Variants in NEGR1 observed in about 807,000 individuals in gnomAD.
NEGR1 encodes IgLON family member 4.
In NEGR1, 10 loss-of-function variants were observed where a neutral mutation model predicts 40.9. That is an observed-to-expected ratio of 0.24 (90% CI 0.15 to 0.42). The LOEUF (loss-of-function observed/expected upper bound fraction) is 0.42, where lower values mean the gene tolerates loss of function less well. Ranked by LOEUF, NEGR1 falls within the 10% of genes least tolerant of loss-of-function variation. The pLI is 1.00. For synonymous variants in NEGR1, 185 were observed against 166.8 expected, an observed-to-expected ratio of 1.11 and a Z score of -0.84; for missense variants, 352 against 438.9, an observed-to-expected ratio of 0.80 and a Z score of 1.77.
chr1:71,436,100 C>T (rs2101304151), intron 6 of NEGR1, among the ~76,000 whole-genome samples: 1 of 152,234 alleles, frequency 6.6e-6, no homozygotes, highest in South Asian at 2.1e-4. Context: ...GTAGAAAAAG[C>T]TGTAAAAGTC....
At chr1:72,168,178 T>C (rs1651835799) in intron 1 of NEGR1, among the ~76,000 whole-genome samples, 2 of 151,892 alleles carry the variant, frequency 1.3e-5, no homozygotes, top group Non-Finnish European at 2.9e-5. Flanking sequence ...CACACCCAGT[T>C]AATTTTTGTA....
intron 6 of NEGR1, among the ~76,000 whole-genome samples, chr1:71,430,288 C>A (rs1220068610): frequency 6.6e-6 from 1 of 152,198 alleles, no homozygotes; most frequent in Non-Finnish European, 1.5e-5. Flanking sequence ...GATCCTTTCT[C>A]TGTATTGCCT....
intron 2 of NEGR1, among the ~76,000 whole-genome samples, chr1:71,801,387 A>T (rs549449730): frequency 2.6e-5 from 4 of 152,310 alleles, no homozygotes; most frequent in Non-Finnish European, 5.9e-5. Flanking sequence ...TTGTAGACAC[A>T]GATCTCCCTC....
chr1:71,641,178 A>G (rs183287239), intron 4 of NEGR1, among the ~76,000 whole-genome samples: 1 of 152,238 alleles, frequency 6.6e-6, no homozygotes, highest in Non-Finnish European at 1.5e-5. Context: ...TAGCAAAGAC[A>G]GCAGCTGTCA....
chr1:71,546,284 T>G (rs569692587), intron 6 of NEGR1, among the ~76,000 whole-genome samples: 1 of 151,814 alleles, frequency 6.6e-6, no homozygotes, highest in East Asian at 2.0e-4. Context: ...ATAAAGCAAC[T>G]TGATGCACCT....
chr1:71,574,523 A>G (rs1648901893), intron 6 of NEGR1, among the ~76,000 whole-genome samples: 1 of 152,092 alleles, frequency 6.6e-6, no homozygotes, highest in Non-Finnish European at 1.5e-5. Flanking sequence ...AATAGTTACT[A>G]CCTTTTCTTT....
rs1046655932 is a variant in NEGR1, at chr1:71,771,327, T to A, written c.535+4845A>T. On this transcript the variant is annotated intron_variant, in intron 3 of 6. Coordinates refer to ENST00000357731, the MANE Select transcript of NEGR1 (RefSeq NM_173808.3). ...GTTCGGGGCTAGGGTAGAGATAGCA[T>A]TAGGAGAAATACTTAATGTAGATGA... 2.0e-5 allele frequency among the ~76,000 whole-genome samples: 3 copies of A among 151,942 alleles called. No homozygotes were observed. The East Asian group carries it at 5.8e-4, about 29-fold the overall frequency.
chr1:71,831,607 A>T (rs1159546942), intron 2 of NEGR1, among the ~76,000 whole-genome samples: 1 of 151,968 alleles, frequency 6.6e-6, no homozygotes, highest in African/African-American at 2.4e-5. Context: ...TGTGTGTGAG[A>T]CACAATCCTG....
At chr1:72,138,719 T>A (rs574271508) in intron 1 of NEGR1, among the ~76,000 whole-genome samples, 1 of 151,922 alleles carries the variant, frequency 6.6e-6, no homozygotes, top group African/African-American at 2.4e-5. Context: ...TCAAAATACA[T>A]GAAGCAAAAA....
At chr1:72,226,577 A>G (rs1483678400) in intron 1 of NEGR1, among the ~76,000 whole-genome samples, 1 of 152,042 alleles carries the variant, frequency 6.6e-6, no homozygotes. Context: ...AAATATGTAC[A>G]TTCAAAATTT....
intron 6 of NEGR1, among the ~76,000 whole-genome samples, chr1:71,445,685 T>G (rs1020930105): frequency 1.3e-5 from 2 of 152,164 alleles, no homozygotes; most frequent in African/African-American, 4.8e-5. Flanking sequence ...AAAATGCATA[T>G]GACTTTAAAT....
intron 2 of NEGR1, among the ~76,000 whole-genome samples, chr1:71,914,230 A>T (rs1279232143): frequency 2.6e-5 from 4 of 152,210 alleles, no homozygotes; most frequent in African/African-American, 4.8e-5. Context: ...ACAGGAATAC[A>T]TTATTTTCCT....
At chr1:71,922,353 C>A (rs778033532) in intron 2 of NEGR1, among the ~76,000 whole-genome samples, 1 of 152,156 alleles carries the variant, frequency 6.6e-6, no homozygotes, top group Non-Finnish European at 1.5e-5. Context: ...GGGAATGCAC[C>A]TTCTGGTGTG....
chr1:71,628,742 A>G (rs1397117412), intron 4 of NEGR1, among the ~76,000 whole-genome samples: 3 of 151,858 alleles, frequency 2.0e-5, no homozygotes, highest in Non-Finnish European at 4.4e-5. Flanking sequence ...AAGGACATGA[A>G]CTCATCCTTT....
chr1:71,657,178 C>A (rs148328914), intron 4 of NEGR1, among the ~76,000 whole-genome samples: 4 of 152,272 alleles, frequency 2.6e-5, no homozygotes, highest in Admixed American at 2.6e-4. Flanking sequence ...CTAGTGAATT[C>A]TTTAAAAGGC....
intron 1 of NEGR1, among the ~76,000 whole-genome samples, chr1:72,134,245 G>T (rs1189399511): frequency 4.4e-5 from 6 of 137,312 alleles, no homozygotes; most frequent in Non-Finnish European, 7.7e-5. Flanking sequence ...GTCTTGCTCT[G>T]TTGCCCAGGC....
chr1:72,263,547 G>A (rs1655533774), intron 1 of NEGR1, among the ~76,000 whole-genome samples: 1 of 151,522 alleles, frequency 6.6e-6, no homozygotes, highest in African/African-American at 2.4e-5. Context: ...TCTCTGGAGT[G>A]AATAAAATCT....
chr1:72,144,561 C>T (rs1026576246), intron 1 of NEGR1, among the ~76,000 whole-genome samples: 1 of 151,888 alleles, frequency 6.6e-6, no homozygotes, highest in Non-Finnish European at 1.5e-5. Flanking sequence ...ATATATTTTA[C>T]GTGTGAAGAA....
At chr1:71,820,767 A>C (rs1271546369) in intron 2 of NEGR1, among the ~76,000 whole-genome samples, 2 of 152,016 alleles carry the variant, frequency 1.3e-5, no homozygotes, top group African/African-American at 2.4e-5. Context: ...CCTTCAACAA[A>C]GATAGCGAAT....
Sources: allele counts gnomAD v4.1 joint callset (sites outside exome capture counted in the v4.1 genomes callset), GRCh38; gene constraint gnomAD v4.1.1; transcripts MANE v1.5; gene names NCBI Gene and HGNC (gene_info 2026-07-23, HGNC 2026-07-21).